SPOCK3: variants seen among roughly 807,000 people sequenced by gnomAD.
The protein encoded by SPOCK3 is SPARC (osteonectin), cwcv and kazal like domains proteoglycan 3, also known as testican-3.
Under a neutral mutation model 56.6 loss-of-function variants are expected in SPOCK3, and 30 were observed. The observed-to-expected ratio is 0.53, with a 90% CI of 0.40 to 0.72. SPOCK3 has a LOEUF of 0.72. Among genes scored for constraint, SPOCK3 ranks in the 30% least tolerant of loss-of-function variants. The pLI is 0.00. For missense variants in SPOCK3, 527 were observed against 530.0 expected (o/e 0.99, Z 0.06); for synonymous variants, 196 against 183.3 (o/e 1.07, Z -0.56).
chr4:167,011,942 A>C (rs971819850), intron 3 of SPOCK3, among the ~76,000 whole-genome samples: 2 of 151,832 alleles, frequency 1.3e-5, no homozygotes, highest in Admixed American at 6.6e-5. Flanking sequence ...TATCTTTTTA[A>C]TATTTTTGTG....
chr4:166,888,550 T>C (rs1441543986), intron 6 of SPOCK3, among the ~76,000 whole-genome samples: 1 of 152,078 alleles, frequency 6.6e-6, no homozygotes, highest in South Asian at 2.1e-4. Flanking sequence ...AGTCAAGTTA[T>C]ATATTATAGT....
At chr4:166,874,532 C>T (rs1406000411) in intron 6 of SPOCK3, among the ~76,000 whole-genome samples, 1 of 152,088 alleles carries the variant, frequency 6.6e-6, no homozygotes, top group Non-Finnish European at 1.5e-5. Context: ...TTTACTTTAC[C>T]TACATTGTAG....
intron 4 of SPOCK3, among the ~76,000 whole-genome samples, chr4:166,917,805 A>G (rs2127120304): frequency 6.6e-6 from 1 of 152,094 alleles, no homozygotes; most frequent in African/African-American, 2.4e-5. Context: ...AGTCAATTAA[A>G]CCTCTTTCCT....
At chr4:167,181,957 T>C (rs1400124641) in intron 2 of SPOCK3, among the ~76,000 whole-genome samples, 1 of 152,188 alleles carries the variant, frequency 6.6e-6, no homozygotes, top group Non-Finnish European at 1.5e-5. Flanking sequence ...GCACATGTGA[T>C]AAGATGCTCA....
At chr4:167,067,202 A>G (rs1462304514) in intron 2 of SPOCK3, among the ~76,000 whole-genome samples, 1 of 151,848 alleles carries the variant, frequency 6.6e-6, no homozygotes, top group Non-Finnish European at 1.5e-5. Flanking sequence ...CCCAGTGGCT[A>G]TGAAGAGTGG....
chr4:167,056,936 C>A (rs1343808109), intron 3 of SPOCK3, among the ~76,000 whole-genome samples: 5 of 152,026 alleles, frequency 3.3e-5, no homozygotes, highest in Non-Finnish European at 7.4e-5. Flanking sequence ...ATACAGAGAA[C>A]ACCACAAAGA....
chr4:167,186,045 T>A (rs1233328040), intron 2 of SPOCK3, among the ~76,000 whole-genome samples: 1 of 152,246 alleles, frequency 6.6e-6, no homozygotes, highest in East Asian at 1.9e-4. Context: ...TAAAAGTAGA[T>A]GATATTGATA....
intron 4 of SPOCK3, among the ~76,000 whole-genome samples, chr4:166,988,668 T>C (rs1327414718): frequency 6.6e-6 from 1 of 152,124 alleles, no homozygotes; most frequent in Non-Finnish European, 1.5e-5. Flanking sequence ...CAGCAGATAA[T>C]GGGAGGCTTT....
rs766090610 is a variant in SPOCK3 at position 167,080,878 on chromosome 4, CTTTTTT to C, written c.190-18347_190-18342del. 2.3e-5 allele frequency among the ~76,000 whole-genome samples: 3 copies of C among 129,058 alleles called. No individual in the cohort carries two copies. The Admixed American group carries it at 2.3e-4, about 10-fold the overall frequency. The allele number at this position is 129,058 out of a possible 152,430, so 84.7% of individuals were successfully genotyped here. On this transcript the variant is annotated intron_variant, in intron 2 of 10. Coordinates refer to ENST00000357545, the MANE Select transcript of SPOCK3 (RefSeq NM_001040159.2). ...ATTCTGTCCTATATTCTCTTTCTTT[CTTTTTT>C]TTTTTTTTTTTTTGAGATGGAGTTT... is the stretch of plus-strand genomic sequence containing the variant.
At position 166,788,378 on chromosome 4, in the gene SPOCK3, C is replaced by T. The variant is rs116494991; in HGVS notation, c.709+3792G>A. Among the ~76,000 whole-genome samples, 1,126 of 152,082 alleles carry T rather than the reference C, an allele frequency of 7.4e-3. 10 individuals carry two copies. Among genetic ancestry groups the T allele is most frequent in the Non-Finnish European group, 0.012 (823 of 67,972 alleles). On this transcript the variant is annotated intron_variant, in intron 7 of 10. Transcript: ENST00000357545. ...TAGATTAAGTTAGTTAATAGGTATT[C>T]CTCAATCACTATCTAATCTAACATC...
At chr4:166,999,079 C>A (rs1224680079) in intron 4 of SPOCK3, among the ~76,000 whole-genome samples, 1 of 152,150 alleles carries the variant, frequency 6.6e-6, no homozygotes, top group Non-Finnish European at 1.5e-5. Context: ...GTGCTTTCCC[C>A]TAGTAGGCTA....
intron 6 of SPOCK3, among the ~76,000 whole-genome samples, chr4:166,842,365 T>A (rs1349655019): frequency 6.6e-6 from 1 of 152,188 alleles, no homozygotes; most frequent in Admixed American, 6.5e-5. Context: ...TGGTCCCTTT[T>A]GACAGGGTGC....
chr4:167,215,140 G>A (rs1296242617), intron 2 of SPOCK3, among the ~76,000 whole-genome samples: 1 of 151,918 alleles, frequency 6.6e-6, no homozygotes, highest in Non-Finnish European at 1.5e-5. Flanking sequence ...TAACTACCAG[G>A]ATCAATAGAA....
At chr4:167,187,435 T>G (rs1012022921) in intron 2 of SPOCK3, among the ~76,000 whole-genome samples, 1 of 152,060 alleles carries the variant, frequency 6.6e-6, no homozygotes, top group African/African-American at 2.4e-5. Flanking sequence ...TGGTCTCTAC[T>G]TTCTCCATGA....
chr4:166,798,354 C>T (rs1742191220), intron 6 of SPOCK3, among the ~76,000 whole-genome samples: 1 of 152,116 alleles, frequency 6.6e-6, no homozygotes, highest in Admixed American at 6.5e-5. Context: ...CGGCCCCTAA[C>T]AATGCAAAAG....
intron 3 of SPOCK3, among the ~76,000 whole-genome samples, chr4:167,039,347 T>G (rs1753049030): frequency 6.6e-6 from 1 of 152,222 alleles, no homozygotes; most frequent in Non-Finnish European, 1.5e-5. Context: ...AGGTTAAGAC[T>G]TATGTGTATC....
chr4:167,131,097 C>T (rs552220260), intron 2 of SPOCK3, among the ~76,000 whole-genome samples: 4 of 151,744 alleles, frequency 2.6e-5, no homozygotes, highest in Non-Finnish European at 5.9e-5. Context: ...AAAAATATTA[C>T]TAAATTAATT....
intron 2 of SPOCK3, among the ~76,000 whole-genome samples, chr4:167,073,203 C>T (rs1211788022): frequency 6.6e-6 from 1 of 151,306 alleles, no homozygotes; most frequent in African/African-American, 2.4e-5. Context: ...ATCTATAATG[C>T]TAAATATTGA....
intron 2 of SPOCK3, among the ~76,000 whole-genome samples, chr4:167,140,793 A>T (rs1188463969): frequency 6.6e-6 from 1 of 151,696 alleles, no homozygotes; most frequent in Non-Finnish European, 1.5e-5. Flanking sequence ...GGGCTTATTT[A>T]TTTTCCCTGA....
Sources: allele counts gnomAD v4.1 joint callset (sites outside exome capture counted in the v4.1 genomes callset), GRCh38; gene constraint gnomAD v4.1.1; transcripts MANE v1.5; gene names NCBI Gene and HGNC (gene_info 2026-07-23, HGNC 2026-07-21).